Variants in CSMD1 observed in about 807,000 individuals in gnomAD.
CSMD1 encodes the protein CUB and sushi domain-containing protein 1.
A neutral mutation model predicts 417.5 loss-of-function variants in CSMD1; 213 were observed. The ratio of observed to expected loss-of-function variants is 0.51; its 90% confidence interval spans 0.46 to 0.57. The LOEUF is 0.57. Ranked by LOEUF, CSMD1 falls within the 20% of genes least tolerant of loss-of-function variation. The probability of loss-of-function intolerance (pLI) is 0.00; values close to 1 mark genes in which losing one functional copy is unlikely to be tolerated. For synonymous variants in CSMD1, 2,862 were observed against 1,736.8 expected, an observed-to-expected ratio of 1.65 and a Z score of -16.11; for missense variants, 6,923 against 4,529.7, an observed-to-expected ratio of 1.53 and a Z score of -15.17.
chr8:4,829,844 G>A (rs187349968), intron 1 of CSMD1, among the ~76,000 whole-genome samples: 9 of 152,248 alleles, frequency 5.9e-5, no homozygotes, highest in Non-Finnish European at 1.0e-4. Context: ...CTTTACCTTG[G>A]GGACAAGGGG....
intron 1 of CSMD1, among the ~76,000 whole-genome samples, chr8:4,942,660 CAT>C (rs1193254344): frequency 6.6e-6 from 1 of 152,178 alleles, no homozygotes; most frequent in African/African-American, 2.4e-5. Context: ...TAAATATACA[CAT>C]GTGAGTCACC....
At chr8:3,359,131 T>C in intron 21 of CSMD1, 21 bp downstream of exon 21, 9 of 1,612,680 alleles carry the variant, frequency 5.6e-6, no homozygotes, top group Non-Finnish European at 7.6e-6. Context: ...ATGAATGAAA[T>C]GAAAGCGTGT....
intron 3 of CSMD1, among the ~76,000 whole-genome samples, chr8:4,283,470 C>A (rs1430207699): frequency 1.3e-5 from 2 of 152,150 alleles, no homozygotes; most frequent in African/African-American, 2.4e-5. Context: ...CATTTTTACT[C>A]CCACTTTGTA....
At chr8:2,992,872 G>C (rs1054053626) in intron 54 of CSMD1, among the ~76,000 whole-genome samples, 5 of 152,004 alleles carry the variant, frequency 3.3e-5, no homozygotes, top group African/African-American at 1.2e-4. Context: ...TAGGTAGGTG[G>C]AACTACGGGC....
chr8:3,813,390 T>G (rs1228559440), intron 5 of CSMD1, among the ~76,000 whole-genome samples: 2 of 152,120 alleles, frequency 1.3e-5, no homozygotes, highest in Non-Finnish European at 2.9e-5. Flanking sequence ...CTAGGAGATT[T>G]AAGGAGGTGA....
intron 7 of CSMD1, among the ~76,000 whole-genome samples, chr8:3,679,918 C>G (rs533454181): frequency 3.9e-4 from 60 of 152,278 alleles, no homozygotes; most frequent in African/African-American, 1.4e-3. Flanking sequence ...AACTGAACAA[C>G]TTGCTCCTGA....
chr8:3,523,188 A>G (rs1474650736), intron 10 of CSMD1, among the ~76,000 whole-genome samples: 2 of 152,186 alleles, frequency 1.3e-5, no homozygotes, highest in Admixed American at 1.3e-4. Flanking sequence ...CTTGGAATCA[A>G]ATACAACTGT....
chr8:4,322,239 G>C (rs1436897848), intron 3 of CSMD1, among the ~76,000 whole-genome samples: 1 of 151,978 alleles, frequency 6.6e-6, no homozygotes, highest in African/African-American at 2.4e-5. Context: ...AATTTTATTT[G>C]AAAACATACT....
intron 3 of CSMD1, among the ~76,000 whole-genome samples, chr8:4,382,892 G>A (rs577798325): frequency 1.9e-4 from 29 of 152,142 alleles, no homozygotes; most frequent in Non-Finnish European, 2.6e-4. Flanking sequence ...TAAATAAATT[G>A]TTCAAGAATA....
At chr8:3,088,749 T>C (rs1225304184) in intron 48 of CSMD1, among the ~76,000 whole-genome samples, 1 of 151,482 alleles carries the variant, frequency 6.6e-6, no homozygotes, top group Non-Finnish European at 1.5e-5. Context: ...ACCAAATTCT[T>C]CTAAGTTTTG....
intron 1 of CSMD1, among the ~76,000 whole-genome samples, chr8:4,652,920 G>C (rs1475884828): frequency 6.6e-6 from 1 of 151,436 alleles, no homozygotes; most frequent in African/African-American, 2.5e-5. Flanking sequence ...GTGGGGTGGA[G>C]TTCAGGTGGT....
intron 29 of CSMD1, among the ~76,000 whole-genome samples, chr8:3,216,961 C>A (rs1376299357): frequency 6.6e-6 from 1 of 152,206 alleles, no homozygotes; most frequent in Non-Finnish European, 1.5e-5. Flanking sequence ...GCAATCACTG[C>A]CCTAGGCTGG....
chr8:3,079,142 T>A (rs900972674), intron 49 of CSMD1, among the ~76,000 whole-genome samples: 3 of 152,048 alleles, frequency 2.0e-5, no homozygotes, highest in Non-Finnish European at 4.4e-5. Context: ...TCCTTTCAAA[T>A]CCCCTAAGAT....
chr8:4,190,746 CTAAT>C (rs765800312), intron 3 of CSMD1, among the ~76,000 whole-genome samples: 1 of 152,076 alleles, frequency 6.6e-6, no homozygotes, highest in Non-Finnish European at 1.5e-5. Flanking sequence ...ATGGATATAA[CTAAT>C]TAAACAGTAC....
intron 18 of CSMD1, among the ~76,000 whole-genome samples, chr8:3,386,085 T>C (rs370940653): frequency 1.3e-5 from 2 of 152,312 alleles, no homozygotes; most frequent in South Asian, 2.1e-4. Flanking sequence ...ATACAATGTC[T>C]AAATTACCTT....
chr8:4,810,230 T>C (rs1207122033), intron 1 of CSMD1, among the ~76,000 whole-genome samples: 1 of 152,202 alleles, frequency 6.6e-6, no homozygotes, highest in South Asian at 2.1e-4. Flanking sequence ...TAAAAGTAAA[T>C]GGATGCAGAT....
Position 4,205,779 on chromosome 8 carries a change from G to C in CSMD1, c.416-173680C>G, listed in dbSNP as rs111970491. Among the ~76,000 whole-genome samples the C allele has an allele frequency of 3.7e-3, 557 of 152,134 alleles. 3 individuals carry two copies. Among genetic ancestry groups the C allele is most frequent in the African/African-American group, 0.013 (539 of 41,446 alleles). ...AGCTGTTTGGGCCATAGAAGAAATAGATGCCTGTGTTAGATATTTGTGGGG... is the reference window on the plus strand; with the variant it reads ...AGCTGTTTGGGCCATAGAAGAAATACATGCCTGTGTTAGATATTTGTGGGG... On this transcript the variant is annotated intron_variant, in intron 3 of 69. Coordinates refer to ENST00000635120, the MANE Select transcript of CSMD1 (RefSeq NM_033225.6).
At chr8:4,284,459 G>A (rs114096967) in intron 3 of CSMD1, among the ~76,000 whole-genome samples, 1,494 of 134,846 alleles carry the variant, frequency 0.011, 12 homozygotes, top group African/African-American at 0.027. Context: ...TTCCCTCCCC[G>A]TCACCATGTG....
At chr8:4,901,858 C>T (rs1462587525) in intron 1 of CSMD1, among the ~76,000 whole-genome samples, 1 of 151,880 alleles carries the variant, frequency 6.6e-6, no homozygotes, top group Non-Finnish European at 1.5e-5. Context: ...ATGATGATGA[C>T]ATATATATAC....
Sources: gnomAD v4.1 joint callset for allele counts (sites outside exome capture counted in the v4.1 genomes callset) on GRCh38, gnomAD v4.1.1 for gene constraint, MANE v1.5 for transcripts, NCBI Gene and HGNC (gene_info 2026-07-23, HGNC 2026-07-21) for gene names.